ANO3: variants seen among roughly 807,000 people sequenced by gnomAD.
The protein encoded by ANO3 is anoctamin-3.
In ANO3, 99 loss-of-function variants were observed where a neutral mutation model predicts 144.8. The observed-to-expected ratio is 0.68, with a 90% confidence interval of 0.58 to 0.81. The LOEUF (loss-of-function observed/expected upper bound fraction) is 0.81. Ranked by LOEUF, ANO3 falls within the 30% of genes least tolerant of loss-of-function variation. The probability of loss-of-function intolerance (pLI) is 0.00; values close to 1 mark genes in which losing one functional copy is unlikely to be tolerated. For missense variants in ANO3, 905 were observed against 1,202.2 expected (o/e 0.75, Z 3.66); for synonymous variants, 414 against 392.6 (o/e 1.05, Z -0.64).
intron 1 of ANO3, among the ~76,000 whole-genome samples, chr11:26,383,888 C>CT (rs61094091): frequency 0.012 from 848 of 70,166 alleles, 252 homozygotes; most frequent in African/African-American, 0.03. Flanking sequence ...ATGCATTGTT[C>CT]TTTTTTTTTT....
intron 1 of ANO3, among the ~76,000 whole-genome samples, chr11:26,420,213 C>T (rs1037178713): frequency 6.6e-6 from 1 of 152,028 alleles, no homozygotes; most frequent in African/African-American, 2.4e-5. Context: ...TAGTTACCTT[C>T]TCCATGTTTA....
chr11:26,349,020 G>A (rs772883524), intron 1 of ANO3, among the ~76,000 whole-genome samples: 1 of 152,176 alleles, frequency 6.6e-6, no homozygotes, highest in Non-Finnish European at 1.5e-5. Context: ...GAGGACTTAT[G>A]ATTGTTCACG....
At chr11:26,629,234 C>G (rs535916003) in intron 18 of ANO3, among the ~76,000 whole-genome samples, 28 of 152,152 alleles carry the variant, frequency 1.8e-4, no homozygotes, top group Non-Finnish European at 3.7e-4. Context: ...TGGTATATAA[C>G]CTTACTACCA....
At chr11:26,406,810 CT>C (rs529135122) in intron 1 of ANO3, among the ~76,000 whole-genome samples, 169 of 149,658 alleles carry the variant, frequency 1.1e-3, no homozygotes, top group African/African-American at 4.0e-3. Flanking sequence ...TATCTTACTC[CT>C]TCCTGTCAAG....
intron 1 of ANO3, among the ~76,000 whole-genome samples, chr11:26,214,106 C>T (rs7939607): frequency 1.3e-5 from 2 of 151,592 alleles, no homozygotes; most frequent in Non-Finnish European, 3.0e-5. Flanking sequence ...CACTGATTTC[C>T]AAATATTTTT....
intron 14 of ANO3, among the ~76,000 whole-genome samples, chr11:26,561,687 A>C (rs1451830728): frequency 6.6e-6 from 1 of 151,960 alleles, no homozygotes; most frequent in Non-Finnish European, 1.5e-5. Context: ...TTTAAGGTGG[A>C]GGAGATAAAA....
intron 4 of ANO3, among the ~76,000 whole-genome samples, chr11:26,468,336 T>C (rs1261556399): frequency 6.6e-6 from 1 of 151,934 alleles, no homozygotes; most frequent in African/African-American, 2.4e-5. Flanking sequence ...TCTGAGAATA[T>C]TAATCTATTT....
At chr11:26,627,078 TAATA>T (rs1351827871) in intron 18 of ANO3, among the ~76,000 whole-genome samples, 2 of 152,052 alleles carry the variant, frequency 1.3e-5, no homozygotes, top group Non-Finnish European at 2.9e-5. Flanking sequence ...AGTTGTGCAG[TAATA>T]ATTATTTTAT....
At chr11:26,565,252 G>T (rs1392491423) in intron 14 of ANO3, 1 of 1,584,040 alleles carries the variant, frequency 6.3e-7, no homozygotes, top group Non-Finnish European at 8.6e-7. Flanking sequence ...TCTTGATAAG[G>T]GGTAAACCCA....
chr11:26,504,316 A>G (rs1861326014), intron 4 of ANO3, among the ~76,000 whole-genome samples: 1 of 152,172 alleles, frequency 6.6e-6, no homozygotes, highest in African/African-American at 2.4e-5. Flanking sequence ...ATCTGAATAC[A>G]TAGAACTATG....
At chr11:26,283,516 A>G (rs1003932391) in intron 1 of ANO3, among the ~76,000 whole-genome samples, 9 of 151,708 alleles carry the variant, frequency 5.9e-5, no homozygotes, top group African/African-American at 1.9e-4. Context: ...CAATCAGTAC[A>G]ACATGAAAAG....
At chr11:26,340,612 A>G (rs1423143977) in intron 1 of ANO3, among the ~76,000 whole-genome samples, 1 of 152,030 alleles carries the variant, frequency 6.6e-6, no homozygotes, top group African/African-American at 2.4e-5. Context: ...TTCAAAAACA[A>G]TTTGCTAATA....
At chr11:26,430,412 A>G (rs1858051894) in intron 1 of ANO3, among the ~76,000 whole-genome samples, 2 of 152,188 alleles carry the variant, frequency 1.3e-5, no homozygotes, top group Non-Finnish European at 2.9e-5. Flanking sequence ...ATTTGAAAAA[A>G]GAAAACATAA....
At chr11:26,453,984 T>C (rs1468644008) in intron 3 of ANO3, among the ~76,000 whole-genome samples, 3 of 152,084 alleles carry the variant, frequency 2.0e-5, no homozygotes, top group Middle Eastern at 3.4e-3. Flanking sequence ...CTACTGGGTA[T>C]ATAACGAAAT....
intron 1 of ANO3, among the ~76,000 whole-genome samples, chr11:26,205,791 G>A (rs1265211747): frequency 6.6e-6 from 1 of 152,140 alleles, no homozygotes; most frequent in Admixed American, 6.6e-5. Flanking sequence ...CCAAGCTTAG[G>A]CATTGTCTAA....
chr11:26,549,626 A>G (rs1849879039), intron 12 of ANO3, among the ~76,000 whole-genome samples: 1 of 152,010 alleles, frequency 6.6e-6, no homozygotes, highest in African/African-American at 2.4e-5. Context: ...ATAGAAGTAT[A>G]TAACAATCAG....
intron 1 of ANO3, among the ~76,000 whole-genome samples, chr11:26,275,958 AG>A (rs1853549556): frequency 6.6e-6 from 1 of 152,134 alleles, no homozygotes; most frequent in South Asian, 2.1e-4. Context: ...CATTTGTTCA[AG>A]GGAATAACAC....
At chr11:26,568,192 A>T (rs1850670982) in intron 14 of ANO3, among the ~76,000 whole-genome samples, 1 of 152,092 alleles carries the variant, frequency 6.6e-6, no homozygotes, top group South Asian at 2.1e-4. Flanking sequence ...TATGCATTTG[A>T]TATATCAGCT....
intron 1 of ANO3, among the ~76,000 whole-genome samples, chr11:26,215,667 T>C (rs909962110): frequency 1.3e-5 from 2 of 151,940 alleles, no homozygotes; most frequent in South Asian, 2.1e-4. Flanking sequence ...GTCTCTCACC[T>C]GAAAGAAAAT....
Sources: allele counts gnomAD v4.1 joint callset (sites outside exome capture counted in the v4.1 genomes callset), GRCh38; gene constraint gnomAD v4.1.1; transcripts MANE v1.5; gene names NCBI Gene and HGNC (gene_info 2026-07-23, HGNC 2026-07-21).